SBF2: variants seen among roughly 807,000 people sequenced by gnomAD.
SBF2 encodes the protein myotubularin-related protein 13.
A neutral mutation model predicts 225.2 loss-of-function variants in SBF2; 112 were observed. The ratio of observed to expected loss-of-function variants is 0.50; its 90% CI spans 0.43 to 0.58. The LOEUF (loss-of-function observed/expected upper bound fraction) is 0.58, where lower values mean the gene tolerates loss of function less well. SBF2 is among the 20% of genes least tolerant of loss of function. The pLI is 0.00. For synonymous variants in SBF2, 763 were observed against 773.3 expected (o/e 0.99, Z 0.22); for missense variants, 1,996 against 2,206.2 (o/e 0.90, Z 1.91).
intron 1 of SBF2, among the ~76,000 whole-genome samples, chr11:10,219,949 T>G (rs951641926): frequency 6.6e-6 from 1 of 152,206 alleles, no homozygotes; most frequent in East Asian, 1.9e-4. Flanking sequence ...TTCCAACCTC[T>G]GCCTATTACC....
chr11:9,848,573 A>C (rs1856713247), intron 22 of SBF2, among the ~76,000 whole-genome samples: 1 of 152,278 alleles, frequency 6.6e-6, no homozygotes, highest in Non-Finnish European at 1.5e-5. Context: ...ACTTCAAAAT[A>C]AATAAATTAC....
intron 1 of SBF2, among the ~76,000 whole-genome samples, chr11:10,243,981 GAC>G (rs1959499095): frequency 3.3e-5 from 5 of 152,092 alleles, no homozygotes; most frequent in Non-Finnish European, 7.4e-5. Flanking sequence ...GACAGACAAA[GAC>G]ACAAGAAAAC....
rs1161459587 is a variant in SBF2 at position 9,808,198 on chromosome 11, C to G, written c.4258-13G>C. ...CCAGGGATGTCACCTAGGGCATAAG[C>G]AGGATGGATTGTCATTAATTTTAGT... On this transcript the variant is annotated splice_polypyrimidine_tract_variant and intron_variant, in intron 31 of 39. Coordinates refer to ENST00000256190, the MANE Select transcript of SBF2 (RefSeq NM_030962.4). 2 of 1,611,494 alleles carry G rather than the reference C, an allele frequency of 1.2e-6. No individual in the cohort carries two copies. The highest frequency in any genetic ancestry group is 1.7e-5 in the Admixed American group (1 of 59,952).
rs1857319532 is a variant in SBF2, at chr11:9,856,453, G to A, written c.2363+5C>T. 1 of 1,613,432 alleles carries A rather than the reference G, an allele frequency of 6.2e-7. No individual in the cohort carries two copies. The highest frequency in any genetic ancestry group is 1.3e-5 in the African/African-American group (1 of 74,898). On this transcript the variant is annotated splice_donor_5th_base_variant and intron_variant, in intron 19 of 39. Coordinates refer to ENST00000256190, the MANE Select transcript of SBF2 (RefSeq NM_030962.4). Reference sequence around the variant, plus strand: ...AGGAGGGTCTGTGTGTTCACATTTTGGTACCTGTTTGTGACAATGCTGTTG... The same window carrying A: ...AGGAGGGTCTGTGTGTTCACATTTTAGTACCTGTTTGTGACAATGCTGTTG...
intron 2 of SBF2, among the ~76,000 whole-genome samples, chr11:10,084,727 A>G (rs1163820061): frequency 6.6e-6 from 1 of 152,246 alleles, no homozygotes; most frequent in Non-Finnish European, 1.5e-5. Flanking sequence ...TGTGGTAGGT[A>G]TATACAATGG....
At chr11:9,931,861 C>G (rs902413583) in intron 16 of SBF2, among the ~76,000 whole-genome samples, 1 of 152,092 alleles carries the variant, frequency 6.6e-6, no homozygotes, top group South Asian at 2.1e-4. Flanking sequence ...TCAAACCCAT[C>G]GCAAGGAAGC....
At chr11:10,280,202 C>T (rs568322601) in intron 1 of SBF2, among the ~76,000 whole-genome samples, 30 of 122,280 alleles carry the variant, frequency 2.5e-4, no homozygotes, top group African/African-American at 8.1e-4. Flanking sequence ...TAGGGATACT[C>T]AACCTGTATC....
chr11:9,873,771 G>A (rs1163407434), intron 17 of SBF2, among the ~76,000 whole-genome samples: 7 of 152,108 alleles, frequency 4.6e-5, no homozygotes, highest in East Asian at 3.8e-4. Context: ...ATTTCTGGCC[G>A]GGCACGGTGG....
chr11:9,939,821 C>T (rs1214999649), intron 16 of SBF2, among the ~76,000 whole-genome samples: 1 of 152,104 alleles, frequency 6.6e-6, no homozygotes, highest in African/African-American at 2.4e-5. Flanking sequence ...AAAAAGCTGG[C>T]CTGCACCATG....
At chr11:9,801,789 C>T (rs1306724667) in intron 32 of SBF2, among the ~76,000 whole-genome samples, 1 of 152,180 alleles carries the variant, frequency 6.6e-6, no homozygotes, top group Non-Finnish European at 1.5e-5. Flanking sequence ...CTTGAATATA[C>T]CAACAATCCA....
At chr11:9,933,522 A>G (rs1048146209) in intron 16 of SBF2, among the ~76,000 whole-genome samples, 2 of 152,338 alleles carry the variant, frequency 1.3e-5, no homozygotes, top group Admixed American at 6.5e-5. Context: ...AAACCGCTCA[A>G]CTACATGGAA....
intron 16 of SBF2, among the ~76,000 whole-genome samples, chr11:9,929,701 T>C (rs1290944867): frequency 6.6e-6 from 1 of 152,184 alleles, no homozygotes; most frequent in Admixed American, 6.6e-5. Flanking sequence ...AAGTGCTGCC[T>C]CATCCACCGT....
At chr11:9,948,879 C>G (rs1045804030) in intron 16 of SBF2, among the ~76,000 whole-genome samples, 1 of 152,164 alleles carries the variant, frequency 6.6e-6, no homozygotes, top group Non-Finnish European at 1.5e-5. Flanking sequence ...GCTACCATTA[C>G]CCTCAATAGA....
At chr11:10,206,734 A>T (rs1957764133) in intron 1 of SBF2, among the ~76,000 whole-genome samples, 1 of 152,146 alleles carries the variant, frequency 6.6e-6, no homozygotes, top group South Asian at 2.1e-4. Context: ...AGTAGAGTGA[A>T]AATGGCATAG....
intron 17 of SBF2, among the ~76,000 whole-genome samples, chr11:9,880,288 A>T (rs1363487547): frequency 1.3e-5 from 2 of 152,170 alleles, no homozygotes; most frequent in Non-Finnish European, 2.9e-5. Flanking sequence ...TTGGCTGTCT[A>T]GGATTTTTGA....
intron 27 of SBF2, among the ~76,000 whole-genome samples, chr11:9,830,595 C>T (rs1488536302): frequency 1.3e-5 from 2 of 151,896 alleles, no homozygotes; most frequent in African/African-American, 2.4e-5. Flanking sequence ...CAAAAATTAG[C>T]TGGGTGTAGT....
intron 34 of SBF2, among the ~76,000 whole-genome samples, chr11:9,789,746 AACTCTGTCC>A (rs1307187622): frequency 6.6e-6 from 1 of 152,170 alleles, no homozygotes; most frequent in African/African-American, 2.4e-5. Context: ...CACAAAGTCA[AACTCTGTCC>A]ACTCTGTCAA....
At chr11:9,980,100 C>A (rs866237028) in intron 13 of SBF2, among the ~76,000 whole-genome samples, 3 of 151,866 alleles carry the variant, frequency 2.0e-5, no homozygotes, top group Admixed American at 1.3e-4. Context: ...CCTGCCTCAG[C>A]CTCCCAAATG....
At chr11:10,267,310 T>C (rs1047739098) in intron 1 of SBF2, among the ~76,000 whole-genome samples, 2 of 151,616 alleles carry the variant, frequency 1.3e-5, no homozygotes, top group African/African-American at 2.4e-5. Flanking sequence ...AGTTTCTATA[T>C]TGTTTGAGAC....
Sources: gnomAD v4.1 joint callset for allele counts (sites outside exome capture counted in the v4.1 genomes callset) on GRCh38, gnomAD v4.1.1 for gene constraint, MANE v1.5 for transcripts, NCBI Gene and HGNC (gene_info 2026-07-23, HGNC 2026-07-21) for gene names.